NOL4: variants seen among roughly 807,000 people sequenced by gnomAD.
The protein encoded by NOL4 is nucleolar protein 4.
In NOL4, 17 loss-of-function variants were observed where a neutral mutation model predicts 75.9. The ratio of observed to expected loss-of-function variants is 0.22; its 90% confidence interval spans 0.15 to 0.34. The LOEUF (loss-of-function observed/expected upper bound fraction) is 0.34. Ranked by LOEUF, NOL4 falls within the 10% of genes least tolerant of loss-of-function variation. The pLI, the probability that NOL4 is intolerant of heterozygous loss-of-function variation, is 1.00. For missense variants in NOL4, 614 were observed against 793.5 expected, an observed-to-expected ratio of 0.77 and a Z score of 2.72; for synonymous variants, 292 against 289.9, an observed-to-expected ratio of 1.01 and a Z score of -0.07.
intron 1 of NOL4, among the ~76,000 whole-genome samples, chr18:34,186,815 C>A (rs966096560): frequency 6.6e-6 from 1 of 152,090 alleles, no homozygotes; most frequent in African/African-American, 2.4e-5. Flanking sequence ...AATTTATTCA[C>A]ATTGAAGCTT....
At chr18:33,868,884 T>C (rs2063559044) in intron 10 of NOL4, among the ~76,000 whole-genome samples, 1 of 152,056 alleles carries the variant, frequency 6.6e-6, no homozygotes, top group East Asian at 1.9e-4. Context: ...TACTATAATA[T>C]GTTAGTATTA....
chr18:34,207,147 T>A (rs2036179067), intron 1 of NOL4, among the ~76,000 whole-genome samples: 2 of 152,222 alleles, frequency 1.3e-5, no homozygotes, highest in Admixed American at 1.3e-4. Flanking sequence ...TTATGTTAGC[T>A]GCCTTTAAAT....
chr18:33,920,527 G>T (rs538951993), intron 9 of NOL4, among the ~76,000 whole-genome samples: 11 of 152,292 alleles, frequency 7.2e-5, no homozygotes, highest in Admixed American at 4.6e-4. Flanking sequence ...GTTATGGATT[G>T]AATTTGCCTA....
intron 6 of NOL4, among the ~76,000 whole-genome samples, chr18:34,018,130 A>G (rs1410214068): frequency 6.6e-6 from 1 of 152,196 alleles, no homozygotes; most frequent in Non-Finnish European, 1.5e-5. Context: ...GATTATTTAA[A>G]CTTCATAAAG....
chr18:34,096,984 C>T (rs1256662243), intron 4 of NOL4, among the ~76,000 whole-genome samples: 7 of 152,130 alleles, frequency 4.6e-5, no homozygotes, highest in East Asian at 1.9e-4. Context: ...CTCCTGATTT[C>T]GCCTGCTATT....
intron 1 of NOL4, among the ~76,000 whole-genome samples, chr18:34,136,829 G>A: frequency 6.6e-6 from 1 of 152,078 alleles, no homozygotes; most frequent in South Asian, 2.1e-4. Flanking sequence ...AAATTTATAT[G>A]TAAATTCAAG....
chr18:34,108,573 C>T (rs2079428774), intron 2 of NOL4, among the ~76,000 whole-genome samples: 1 of 151,972 alleles, frequency 6.6e-6, no homozygotes, highest in Non-Finnish European at 1.5e-5. Context: ...TAATAGGGTG[C>T]TTGTTAAAAA....
chr18:33,864,213 G>T (rs1049469190), intron 10 of NOL4, among the ~76,000 whole-genome samples: 1 of 152,154 alleles, frequency 6.6e-6, no homozygotes, highest in East Asian at 1.9e-4. Context: ...TTTCCCCTTT[G>T]TCTTGGTATT....
intron 2 of NOL4, among the ~76,000 whole-genome samples, chr18:34,116,491 A>G (rs578006559): frequency 6.6e-6 from 1 of 152,238 alleles, no homozygotes; most frequent in Non-Finnish European, 1.5e-5. Context: ...AGGTAAACTT[A>G]TAAGTTATCC....
intron 6 of NOL4, among the ~76,000 whole-genome samples, chr18:33,962,884 A>G (rs1479207098): frequency 6.6e-6 from 1 of 152,212 alleles, no homozygotes; most frequent in East Asian, 1.9e-4. Flanking sequence ...AAAAATGTAT[A>G]GCCCTGTTTA....
At chr18:34,008,907 C>T (rs771634491) in intron 6 of NOL4, among the ~76,000 whole-genome samples, 1 of 151,968 alleles carries the variant, frequency 6.6e-6, no homozygotes. Context: ...AAGATCAATG[C>T]AACATATTCC....
chr18:33,936,413 T>C (rs1462189465), intron 9 of NOL4, among the ~76,000 whole-genome samples: 3 of 151,806 alleles, frequency 2.0e-5, no homozygotes, highest in Non-Finnish European at 4.4e-5. Flanking sequence ...GTGAGTTTTT[T>C]TTTTTTTTTT....
chr18:34,193,721 C>T (rs1367032987), intron 1 of NOL4, among the ~76,000 whole-genome samples: 1 of 152,126 alleles, frequency 6.6e-6, no homozygotes, highest in African/African-American at 2.4e-5. Context: ...ATCCAGCCAT[C>T]CTACTACTGG....
At chr18:34,143,191 G>C (rs1230862304) in intron 1 of NOL4, among the ~76,000 whole-genome samples, 1 of 152,094 alleles carries the variant, frequency 6.6e-6, no homozygotes, top group Non-Finnish European at 1.5e-5. Context: ...GAAAACAGAA[G>C]TGGCTCAACC....
intron 9 of NOL4, among the ~76,000 whole-genome samples, chr18:33,936,061 A>G (rs1199720198): frequency 1.3e-5 from 2 of 152,270 alleles, no homozygotes; most frequent in African/African-American, 2.4e-5. Flanking sequence ...AAGTTTATAA[A>G]TGTTATAAAA....
chr18:33,852,774 T>C lies in NOL4; in HGVS notation c.*68A>G, dbSNP rs2062677088. ...GCAGTAAGACCAGAAGTATCTCTGT[T>C]GGGAAATCAAAATGTCATTAGTGGA... On this transcript the variant is annotated 3_prime_UTR_variant, in exon 11 of 11. Transcript: ENST00000261592. 1.5e-6 allele frequency: 2 copies of C among 1,345,300 alleles called. No homozygotes were observed. The highest frequency in any genetic ancestry group is 1.4e-5 in the African/African-American group (1 of 69,466). 83.3% of individuals were successfully genotyped at this position (1,345,300 alleles called of 1,614,324 possible).
At chr18:34,114,544 A>G (rs2079758606) in intron 2 of NOL4, among the ~76,000 whole-genome samples, 1 of 152,236 alleles carries the variant, frequency 6.6e-6, no homozygotes, top group South Asian at 2.1e-4. Flanking sequence ...GTAAATAATT[A>G]TGGGAAATTT....
chr18:34,181,631 C>A (rs1045050229), intron 1 of NOL4, among the ~76,000 whole-genome samples: 1 of 151,216 alleles, frequency 6.6e-6, no homozygotes, highest in African/African-American at 2.4e-5. Context: ...AGTCACAAGC[C>A]AACCCAAAGA....
At chr18:33,985,639 T>C (rs1317227246) in intron 6 of NOL4, among the ~76,000 whole-genome samples, 1 of 152,094 alleles carries the variant, frequency 6.6e-6, no homozygotes, top group Non-Finnish European at 1.5e-5. Context: ...CTCAATATTT[T>C]CTATTATAGC....
Sources: allele counts gnomAD v4.1 joint callset (sites outside exome capture counted in the v4.1 genomes callset), GRCh38; gene constraint gnomAD v4.1.1; transcripts MANE v1.5; gene names NCBI Gene and HGNC (gene_info 2026-07-23, HGNC 2026-07-21).